AP3B1: variants seen among roughly 807,000 people sequenced by gnomAD.
AP3B1 encodes the protein adaptor related protein complex 3 subunit beta 1, also known as AP-3 complex subunit beta-1.
Under a neutral mutation model 132.5 loss-of-function variants are expected in AP3B1, and 61 were observed. The ratio of observed to expected loss-of-function variants is 0.46; its 90% CI spans 0.37 to 0.57. The LOEUF is 0.57. Ranked by LOEUF, AP3B1 falls within the 20% of genes least tolerant of loss-of-function variation. AP3B1 has a pLI of 0.00. For synonymous variants in AP3B1, 388 were observed against 438.3 expected (o/e 0.89, Z 1.43); for missense variants, 1,120 against 1,289.4 (o/e 0.87, Z 2.01).
intron 1 of AP3B1, among the ~76,000 whole-genome samples, chr5:78,278,167 T>C (rs1580583161): frequency 6.6e-6 from 1 of 152,250 alleles, no homozygotes; most frequent in African/African-American, 2.4e-5. Flanking sequence ...ACTTTTTGCC[T>C]GTTACAAATT....
chr5:78,180,941 C>CA (rs200763924), intron 8 of AP3B1, among the ~76,000 whole-genome samples: 59 of 151,338 alleles, frequency 3.9e-4, no homozygotes, highest in East Asian at 3.3e-3. Context: ...GTCGAACAAA[C>CA]AAAAAAAACC....
chr5:78,291,471 C>A (rs959814129), intron 1 of AP3B1, among the ~76,000 whole-genome samples: 21 of 147,428 alleles, frequency 1.4e-4, no homozygotes, highest in Non-Finnish European at 2.8e-4. Context: ...ACTGGACAAC[C>A]CTGTGACTAG....
At chr5:78,208,391 T>A (rs1017357790) in intron 7 of AP3B1, among the ~76,000 whole-genome samples, 3 of 152,180 alleles carry the variant, frequency 2.0e-5, no homozygotes, top group Non-Finnish European at 4.4e-5. Flanking sequence ...GTTTTTCAGC[T>A]CTGCCCACCC....
At chr5:78,048,220 G>C (rs1029653270) in intron 22 of AP3B1, among the ~76,000 whole-genome samples, 3 of 152,182 alleles carry the variant, frequency 2.0e-5, no homozygotes, top group African/African-American at 7.2e-5. Flanking sequence ...TGTTCTGATA[G>C]CCGACAACAA....
chr5:78,045,599 A>G (rs1343291058), intron 22 of AP3B1, among the ~76,000 whole-genome samples: 2 of 152,164 alleles, frequency 1.3e-5, no homozygotes, highest in Admixed American at 1.3e-4. Flanking sequence ...TAATATTAAC[A>G]TATATTTAGA....
chr5:78,156,708 T>C (rs766361559), intron 13 of AP3B1, among the ~76,000 whole-genome samples: 1 of 152,228 alleles, frequency 6.6e-6, no homozygotes, highest in Non-Finnish European at 1.5e-5. Flanking sequence ...TCCTCAAATA[T>C]TGCTCTTTGA....
chr5:78,145,141 A>C (rs1486148162), intron 14 of AP3B1, among the ~76,000 whole-genome samples: 3 of 152,270 alleles, frequency 2.0e-5, no homozygotes, highest in Admixed American at 1.3e-4. Flanking sequence ...GACCGAATTC[A>C]AAATGTAAAA....
chr5:78,240,402 C>T (rs1368569747), intron 3 of AP3B1, among the ~76,000 whole-genome samples: 2 of 152,078 alleles, frequency 1.3e-5, no homozygotes, highest in African/African-American at 4.8e-5. Context: ...AATAAATCCA[C>T]ATATATGTAC....
chr5:78,193,770 A>ATTT lies in AP3B1; in HGVS notation c.787-12111_787-12109dup, dbSNP rs35190275. Among the ~76,000 whole-genome samples, 23 of 67,214 alleles carry ATTT rather than the reference A, an allele frequency of 3.4e-4. 1 individual carries two copies. Among genetic ancestry groups the ATTT allele is most frequent in the African/African-American group, 8.3e-4 (16 of 19,220 alleles). 44.1% of individuals were successfully genotyped at this position (67,214 alleles called of 152,430 possible). A position where few individuals can be genotyped will look rare whatever the true frequency, so the allele number is the denominator to read the frequency against. Reference sequence around the variant, plus strand: ...TATATATATATATATATATATATATATTTTTTTTTTAGACAGAGTCTCGCT... The same window carrying ATTT: ...TATATATATATATATATATATATATATTTTTTTTTTTTTAGACAGAGTCTCGCT... On this transcript the variant is annotated intron_variant, in intron 7 of 26. Coordinates refer to ENST00000255194, the MANE Select transcript of AP3B1 (RefSeq NM_003664.5).
At chr5:78,179,158 T>A (rs1176159559) in intron 8 of AP3B1, among the ~76,000 whole-genome samples, 1 of 152,118 alleles carries the variant, frequency 6.6e-6, no homozygotes, top group Non-Finnish European at 1.5e-5. Flanking sequence ...CCAAGATCAG[T>A]CATTTAAAAA....
chr5:78,142,998 T>A (rs1413086447), intron 14 of AP3B1, among the ~76,000 whole-genome samples: 1 of 152,148 alleles, frequency 6.6e-6, no homozygotes, highest in Non-Finnish European at 1.5e-5. Context: ...TTTTCCAGTA[T>A]AGAGGAATTC....
At chr5:78,252,342 C>A (rs1424409141) in intron 2 of AP3B1, among the ~76,000 whole-genome samples, 2 of 152,100 alleles carry the variant, frequency 1.3e-5, no homozygotes, top group Admixed American at 1.3e-4. Flanking sequence ...CCCCTAGGTA[C>A]CAGTACAGCC....
At chr5:78,013,960 G>C (rs969509507) in intron 26 of AP3B1, among the ~76,000 whole-genome samples, 2 of 152,080 alleles carry the variant, frequency 1.3e-5, no homozygotes, top group Admixed American at 1.3e-4. Flanking sequence ...TCAGGAGATC[G>C]AGACCATCCT....
chr5:78,143,193 T>C (rs1282494239), intron 14 of AP3B1, among the ~76,000 whole-genome samples: 1 of 152,092 alleles, frequency 6.6e-6, no homozygotes, highest in Non-Finnish European at 1.5e-5. Flanking sequence ...TAACAATCTT[T>C]TGCAATTAAA....
intron 8 of AP3B1, 102 bp downstream of exon 8, chr5:78,181,405 A>C: frequency 9.1e-7 from 1 of 1,094,662 alleles, no homozygotes; most frequent in Non-Finnish European, 1.4e-6. Context: ...AAACAAACAA[A>C]TGCTCCATTA....
At chr5:78,212,075 T>C (rs981964074) in intron 7 of AP3B1, among the ~76,000 whole-genome samples, 7 of 151,744 alleles carry the variant, frequency 4.6e-5, no homozygotes, top group South Asian at 2.1e-4. Context: ...AGGTCAGGAG[T>C]TCAACACCAG....
chr5:78,147,536 G>A (rs908592159), intron 14 of AP3B1, among the ~76,000 whole-genome samples: 1 of 151,378 alleles, frequency 6.6e-6, no homozygotes. Context: ...TTTTACATTT[G>A]TTTTCTTTCT....
chr5:78,287,419 AAG>A (rs775216779), intron 1 of AP3B1, among the ~76,000 whole-genome samples: 7 of 152,194 alleles, frequency 4.6e-5, no homozygotes, highest in African/African-American at 1.7e-4. Flanking sequence ...GTTGGAAAGT[AAG>A]ACTCTGTTTA....
At chr5:78,072,550 G>A (rs1749583879) in intron 22 of AP3B1, among the ~76,000 whole-genome samples, 1 of 151,866 alleles carries the variant, frequency 6.6e-6, no homozygotes, top group Middle Eastern at 3.2e-3. Flanking sequence ...GTACAGAGGT[G>A]TAAAGCAGAT....
Sources: gnomAD v4.1 joint callset for allele counts (sites outside exome capture counted in the v4.1 genomes callset) on GRCh38, gnomAD v4.1.1 for gene constraint, MANE v1.5 for transcripts, NCBI Gene and HGNC (gene_info 2026-07-23, HGNC 2026-07-21) for gene names.